The following TBC1D4 variants were observed in gnomAD, a reference collection of about 807,000 sequenced individuals.
TBC1D4 encodes the protein TBC1 domain family member 4, also known as TBC (Tre-2, BUB2, CDC16) domain-containing protein.
A neutral mutation model predicts 142.5 loss-of-function variants in TBC1D4; 121 were observed. That is an observed-to-expected ratio of 0.85 (90% CI 0.73 to 0.99). The LOEUF (loss-of-function observed/expected upper bound fraction) is 0.99. Ranked by LOEUF, TBC1D4 falls within the 50% of genes least tolerant of loss-of-function variation. The probability of loss-of-function intolerance (pLI) is 0.00; values close to 1 mark genes in which losing one functional copy is unlikely to be tolerated. For synonymous variants in TBC1D4, 630 were observed against 628.2 expected, an observed-to-expected ratio of 1.00 and a Z score of -0.04; for missense variants, 1,475 against 1,606.6, an observed-to-expected ratio of 0.92 and a Z score of 1.40.
At chr13:75,468,879 G>A (rs1210097348) in intron 1 of TBC1D4, among the ~76,000 whole-genome samples, 1 of 152,240 alleles carries the variant, frequency 6.6e-6, no homozygotes, top group Non-Finnish European at 1.5e-5. Flanking sequence ...CCATGTGCAG[G>A]TAAGATCTCG....
intron 1 of TBC1D4, among the ~76,000 whole-genome samples, chr13:75,418,459 G>A (rs1042314773): frequency 6.6e-6 from 1 of 152,112 alleles, no homozygotes; most frequent in Non-Finnish European, 1.5e-5. Flanking sequence ...GAAAAAGGGG[G>A]AAAAGAGAAT....
chr13:75,347,402 T>C (rs1049630097), intron 5 of TBC1D4, among the ~76,000 whole-genome samples: 1 of 152,260 alleles, frequency 6.6e-6, no homozygotes, highest in African/African-American at 2.4e-5. Context: ...ATCTGCTATC[T>C]CCTTGTTTGT....
intron 8 of TBC1D4, among the ~76,000 whole-genome samples, chr13:75,328,031 C>T (rs910831052): frequency 2.0e-5 from 3 of 152,002 alleles, no homozygotes; most frequent in Non-Finnish European, 2.9e-5. Flanking sequence ...TTAAATCAGC[C>T]GTTAGATAAC....
At chr13:75,440,354 A>G (rs555497405) in intron 1 of TBC1D4, among the ~76,000 whole-genome samples, 1 of 152,144 alleles carries the variant, frequency 6.6e-6, no homozygotes, top group South Asian at 2.1e-4. Flanking sequence ...AAAAAACTGG[A>G]CTTTATCCTT....
At chr13:75,455,048 A>C (rs1887674692) in intron 1 of TBC1D4, among the ~76,000 whole-genome samples, 1 of 152,196 alleles carries the variant, frequency 6.6e-6, no homozygotes, top group East Asian at 1.9e-4. Flanking sequence ...CAGTTAGAGA[A>C]GGTAGAGATT....
chr13:75,385,506 G>T (rs191958689), intron 1 of TBC1D4, among the ~76,000 whole-genome samples: 2 of 152,198 alleles, frequency 1.3e-5, no homozygotes, highest in South Asian at 4.1e-4. Flanking sequence ...TGAAAAGCAG[G>T]TGCCTGTTCT....
intron 1 of TBC1D4, among the ~76,000 whole-genome samples, chr13:75,444,219 G>C (rs892634349): frequency 6.6e-6 from 1 of 152,176 alleles, no homozygotes; most frequent in Admixed American, 6.5e-5. Flanking sequence ...GAACTCCTGA[G>C]CTCAAGAGAT....
At chr13:75,425,779 G>C (rs1886349915) in intron 1 of TBC1D4, among the ~76,000 whole-genome samples, 1 of 152,098 alleles carries the variant, frequency 6.6e-6, no homozygotes, top group African/African-American at 2.4e-5. Context: ...CATAGAAACA[G>C]AGTAAAATGG....
At chr13:75,359,642 C>A (rs1882336982) in intron 3 of TBC1D4, 127 bp downstream of exon 3, 2 of 768,922 alleles carry the variant, frequency 2.6e-6, no homozygotes, top group Non-Finnish European at 4.2e-6. Context: ...GACAAATTCC[C>A]TTTAAGAATA....
At chr13:75,356,073 G>C (rs1882019448) in intron 4 of TBC1D4, 74 bp downstream of exon 4, 1 of 1,116,838 alleles carries the variant, frequency 9.0e-7, no homozygotes, top group Admixed American at 1.9e-5. Context: ...GCAAGGCTTG[G>C]GCTCCTAAGA....
intron 1 of TBC1D4, among the ~76,000 whole-genome samples, chr13:75,439,939 T>C (rs1035933310): frequency 5.9e-5 from 9 of 152,168 alleles, no homozygotes; most frequent in African/African-American, 2.2e-4. Flanking sequence ...ATATAATAAA[T>C]GTTTCATTAA....
At chr13:75,306,508 T>G in intron 14 of TBC1D4, 37 bp from the exon 15 acceptor site, 1 of 1,609,954 alleles carries the variant, frequency 6.2e-7, no homozygotes, top group Non-Finnish European at 8.5e-7. Context: ...ACCAATGTGT[T>G]TTTCAAATGT....
rs1416373256 is a variant in TBC1D4, at chr13:75,284,711, A to C, written c.*2081T>G. The C allele has an allele frequency of 5.9e-5, 9 of 152,370 alleles. No individual in the cohort carries two copies. The South Asian group carries it at 1.2e-3, about 21-fold the overall frequency. The allele number at this position is 152,370 out of a possible 1,614,324, so 9.4% of individuals were successfully genotyped here. On this transcript the variant is annotated 3_prime_UTR_variant, in exon 21 of 21. Transcript: ENST00000377636. ...TATATTTATTGCAAAGGAACTAGAC[A>C]TTACATTAACCTGATGAAGATGTAA... is the stretch of plus-strand genomic sequence containing the variant.
intron 1 of TBC1D4, among the ~76,000 whole-genome samples, chr13:75,368,326 T>A (rs1883036191): frequency 6.6e-6 from 1 of 152,242 alleles, no homozygotes; most frequent in African/African-American, 2.4e-5. Flanking sequence ...TACAAGAGAC[T>A]ACACTATTGG....
intron 18 of TBC1D4, 64 bp downstream of exon 18, chr13:75,294,790 A>T (rs1875714668): frequency 6.4e-7 from 1 of 1,561,680 alleles, no homozygotes; most frequent in African/African-American, 1.4e-5. Flanking sequence ...TCATATGGCT[A>T]GAAGTAGAAG....
At chr13:75,470,172 T>C (rs540179701) in intron 1 of TBC1D4, among the ~76,000 whole-genome samples, 173 of 152,304 alleles carry the variant, frequency 1.1e-3, no homozygotes, top group South Asian at 7.5e-3. Context: ...AATTTTTTTT[T>C]CCATAAAGGA....
At chr13:75,353,527 A>G (rs998303803) in intron 4 of TBC1D4, among the ~76,000 whole-genome samples, 18 of 152,146 alleles carry the variant, frequency 1.2e-4, no homozygotes, top group African/African-American at 4.1e-4. Flanking sequence ...ATGCAACAAT[A>G]AGTGAGTGTG....
intron 1 of TBC1D4, among the ~76,000 whole-genome samples, chr13:75,433,217 C>T (rs185502705): frequency 4.6e-5 from 7 of 152,282 alleles, no homozygotes; most frequent in East Asian, 1.9e-4. Flanking sequence ...GTGCCAGTGG[C>T]ATTCCTCAGC....
chr13:75,464,815 G>A (rs1420025973), intron 1 of TBC1D4, among the ~76,000 whole-genome samples: 4 of 152,214 alleles, frequency 2.6e-5, no homozygotes, highest in Non-Finnish European at 5.9e-5. Flanking sequence ...TACTGGCTGA[G>A]AGACAGAAGG....
Sources: gnomAD v4.1 joint callset for allele counts (sites outside exome capture counted in the v4.1 genomes callset) on GRCh38, gnomAD v4.1.1 for gene constraint, MANE v1.5 for transcripts, NCBI Gene and HGNC (gene_info 2026-07-23, HGNC 2026-07-21) for gene names.